The following JAKMIP2 variants were observed in gnomAD, a reference collection of about 807,000 sequenced individuals.
JAKMIP2 encodes the protein janus kinase and microtubule-interacting protein 2.
A neutral mutation model predicts 115.0 loss-of-function variants in JAKMIP2; 25 were observed. The observed-to-expected ratio is 0.22, with a 90% CI of 0.16 to 0.30. JAKMIP2 has a LOEUF of 0.30. Ranked by LOEUF, JAKMIP2 falls within the 10% of genes least tolerant of loss-of-function variation. The probability of loss-of-function intolerance (pLI) is 1.00; values close to 1 mark genes in which losing one functional copy is unlikely to be tolerated. For synonymous variants in JAKMIP2, 334 were observed against 343.6 expected (o/e 0.97, Z 0.31); for missense variants, 642 against 957.6 (o/e 0.67, Z 4.35).
intron 19 of JAKMIP2, 115 bp downstream of exon 19, chr5:147,617,796 G>T: frequency 1.4e-6 from 1 of 730,874 alleles, no homozygotes. Context: ...TTTACTCTCT[G>T]AAAATAACTT....
At chr5:147,687,724 A>G (rs1385031263) in intron 1 of JAKMIP2, among the ~76,000 whole-genome samples, 1 of 152,190 alleles carries the variant, frequency 6.6e-6, no homozygotes, top group African/African-American at 2.4e-5. Flanking sequence ...ATTTGGGAGA[A>G]GACAATTCTA....
intron 5 of JAKMIP2, among the ~76,000 whole-genome samples, chr5:147,647,272 T>C (rs768512353): frequency 6.6e-5 from 10 of 152,024 alleles, no homozygotes; most frequent in Admixed American, 3.3e-4. Context: ...AAAAATTACA[T>C]GATATTAGAA....
intron 12 of JAKMIP2, among the ~76,000 whole-genome samples, chr5:147,633,448 T>A (rs1757462877): frequency 6.6e-6 from 1 of 152,220 alleles, no homozygotes; most frequent in African/African-American, 2.4e-5. Context: ...CTTTGCTATG[T>A]GAGCAAATTC....
intron 1 of JAKMIP2, among the ~76,000 whole-genome samples, chr5:147,736,430 C>T (rs2126982773): frequency 6.6e-6 from 1 of 152,068 alleles, no homozygotes; most frequent in Non-Finnish European, 1.5e-5. Context: ...TGCACTCCAG[C>T]CTGGGTGACA....
chr5:147,758,716 G>A (rs1307979477), intron 1 of JAKMIP2, among the ~76,000 whole-genome samples: 2 of 152,102 alleles, frequency 1.3e-5, no homozygotes, highest in African/African-American at 4.8e-5. Flanking sequence ...CTGAGTGGCT[G>A]AGACTACAGG....
At chr5:147,751,389 T>C (rs79751255) in intron 1 of JAKMIP2, among the ~76,000 whole-genome samples, 21,767 of 151,850 alleles carry the variant, frequency 0.14, 1,577 homozygotes, top group Middle Eastern at 0.19. Flanking sequence ...TGAGCCAGCA[T>C]GCCCGACATG....
At chr5:147,615,479 A>C (rs370681760) in intron 19 of JAKMIP2, among the ~76,000 whole-genome samples, 44 of 152,086 alleles carry the variant, frequency 2.9e-4, no homozygotes, top group African/African-American at 1.0e-3. Context: ...CTGGTTTTGG[A>C]GGGCGGGGTA....
chr5:147,689,576 G>T (rs1260243068), intron 1 of JAKMIP2, among the ~76,000 whole-genome samples: 1 of 152,164 alleles, frequency 6.6e-6, no homozygotes, highest in Non-Finnish European at 1.5e-5. Context: ...CATGGGATCA[G>T]TAAGTTGAGC....
intron 1 of JAKMIP2, among the ~76,000 whole-genome samples, chr5:147,720,213 A>T (rs1753208427): frequency 1.3e-5 from 2 of 152,146 alleles, no homozygotes; most frequent in African/African-American, 4.8e-5. Flanking sequence ...TCTGCCGATA[A>T]ATCTGCTGTT....
chr5:147,678,111 C>T (rs775712142), intron 1 of JAKMIP2, among the ~76,000 whole-genome samples: 57 of 152,154 alleles, frequency 3.7e-4, no homozygotes, highest in Non-Finnish European at 7.1e-4. Context: ...TTCAAGCATT[C>T]TCCTGCCTCA....
intron 1 of JAKMIP2, among the ~76,000 whole-genome samples, chr5:147,674,096 C>T (rs1237089360): frequency 6.6e-6 from 1 of 152,186 alleles, no homozygotes; most frequent in Non-Finnish European, 1.5e-5. Context: ...ACTAGCATAA[C>T]TAATGCAGAT....
intron 1 of JAKMIP2, among the ~76,000 whole-genome samples, chr5:147,752,842 A>T (rs1366352904): frequency 1.3e-5 from 2 of 152,184 alleles, no homozygotes; most frequent in Non-Finnish European, 2.9e-5. Context: ...TGGCTAGAAC[A>T]ACTGAGTGGA....
chr5:147,688,765 GTC>G (rs1388185677), intron 1 of JAKMIP2, among the ~76,000 whole-genome samples: 4 of 152,178 alleles, frequency 2.6e-5, no homozygotes, highest in Non-Finnish European at 2.9e-5. Flanking sequence ...CATGGTATGT[GTC>G]AAATAAGTGC....
At chr5:147,642,521 C>T (rs1020475581) in intron 7 of JAKMIP2, among the ~76,000 whole-genome samples, 1 of 152,098 alleles carries the variant, frequency 6.6e-6, no homozygotes, top group African/African-American at 2.4e-5. Flanking sequence ...AAAAAATTTA[C>T]AGCTTAATCT....
intron 11 of JAKMIP2, 30 bp downstream of exon 11, chr5:147,636,935 C>G: frequency 1.1e-6 from 1 of 872,552 alleles, no homozygotes; most frequent in Non-Finnish European, 2.0e-6. Flanking sequence ...TTGTCTGCAT[C>G]TGCAGAAGAG....
intron 1 of JAKMIP2, among the ~76,000 whole-genome samples, chr5:147,733,902 G>T (rs1753824797): frequency 6.6e-6 from 1 of 152,040 alleles, no homozygotes; most frequent in Non-Finnish European, 1.5e-5. Context: ...CTTTGCTATT[G>T]TGAACACTGC....
At chr5:147,643,305 A>T (rs1283208360) in intron 7 of JAKMIP2, among the ~76,000 whole-genome samples, 1 of 152,188 alleles carries the variant, frequency 6.6e-6, no homozygotes, top group Non-Finnish European at 1.5e-5. Flanking sequence ...TCTCAGTGGC[A>T]GTGAATCACT....
At chr5:147,684,884 G>A (rs1322066630) in intron 1 of JAKMIP2, among the ~76,000 whole-genome samples, 1 of 152,108 alleles carries the variant, frequency 6.6e-6, no homozygotes, top group Non-Finnish European at 1.5e-5. Flanking sequence ...TTATGATGGA[G>A]GGGTAGAAGA....
chr5:147,675,957 C>T (rs897841125), intron 1 of JAKMIP2, among the ~76,000 whole-genome samples: 8 of 152,144 alleles, frequency 5.3e-5, no homozygotes, highest in African/African-American at 1.4e-4. Flanking sequence ...GATTCTCTTG[C>T]TGCCTTTGTG....
Sources: gnomAD v4.1 joint callset for allele counts (sites outside exome capture counted in the v4.1 genomes callset) on GRCh38, gnomAD v4.1.1 for gene constraint, MANE v1.5 for transcripts, NCBI Gene and HGNC (gene_info 2026-07-23, HGNC 2026-07-21) for gene names.